The following GALNT5 variants were observed in gnomAD, a reference collection of about 807,000 sequenced individuals.
GALNT5 encodes the protein UDP-GalNAc:polypeptide N-acetylgalactosaminyltransferase 5.
Under a neutral mutation model 85.4 loss-of-function variants are expected in GALNT5, and 72 were observed. The ratio of observed to expected loss-of-function variants is 0.84; its 90% CI spans 0.70 to 1.03. The LOEUF (loss-of-function observed/expected upper bound fraction) is 1.03. Among genes scored for constraint, GALNT5 ranks in the 50% least tolerant of loss-of-function variants. The probability of loss-of-function intolerance (pLI) is 0.00; values close to 1 mark genes in which losing one functional copy is unlikely to be tolerated. For missense variants in GALNT5, 1,137 were observed against 1,135.5 expected, an observed-to-expected ratio of 1.00 and a Z score of -0.02; for synonymous variants, 404 against 397.0, an observed-to-expected ratio of 1.02 and a Z score of -0.21.
chr2:157,271,254 A>C (rs902063145), intron 1 of GALNT5, among the ~76,000 whole-genome samples: 33 of 152,320 alleles, frequency 2.2e-4, no homozygotes, highest in African/African-American at 7.7e-4. Context: ...CAAAAGCTGG[A>C]GTGTTCTTCA....
intron 1 of GALNT5, among the ~76,000 whole-genome samples, chr2:157,272,104 T>C (rs1008572946): frequency 1.5e-4 from 23 of 152,196 alleles, no homozygotes; most frequent in Admixed American, 1.5e-3. Context: ...CAACTGCCAT[T>C]GTAAGGTGGG....
intron 1 of GALNT5, among the ~76,000 whole-genome samples, chr2:157,282,083 T>C (rs1360595467): frequency 6.6e-6 from 1 of 152,234 alleles, no homozygotes; most frequent in African/African-American, 2.4e-5. Flanking sequence ...ATCCTTAGTG[T>C]AGACTAATAT....
chr2:157,288,734 A>T (rs1321332594), intron 3 of GALNT5, among the ~76,000 whole-genome samples: 1 of 152,224 alleles, frequency 6.6e-6, no homozygotes, highest in Non-Finnish European at 1.5e-5. Context: ...ACATTTTGAA[A>T]GCTCATTCTG....
chr2:157,284,388 A>T lies in GALNT5; in HGVS notation c.1561A>T (p.Asn521Tyr). ...CCTGAGATCTGTTCACAGTGTCATC[A>T]ATCGCTCTCCTCCACACCTCATCAA... ...TLLRSVHSVI[N>Y]RSPPHLIKEI... Residue 521 changes from asparagine to tyrosine, a missense_variant, in exon 2 of 10, where the codon AAT (asparagine) becomes TAT (tyrosine). Transcript: ENST00000259056. 6.2e-7 allele frequency: 1 copy of T among 1,613,964 alleles called. No individual in the cohort carries two copies. Among genetic ancestry groups the T allele is most frequent in the Non-Finnish European group, 8.5e-7 (1 of 1,179,854 alleles).
intron 3 of GALNT5, among the ~76,000 whole-genome samples, chr2:157,295,207 G>A (rs964130663): frequency 6.6e-6 from 1 of 152,004 alleles, no homozygotes; most frequent in African/African-American, 2.4e-5. Context: ...AGCCTTGCTG[G>A]TTTGTCCACT....
intron 1 of GALNT5, among the ~76,000 whole-genome samples, chr2:157,272,803 T>C (rs138735233): frequency 5.3e-5 from 8 of 152,346 alleles, no homozygotes; most frequent in Non-Finnish European, 7.4e-5. Flanking sequence ...GTTGATTACA[T>C]GTCTTTGCTA....
intron 1 of GALNT5, among the ~76,000 whole-genome samples, chr2:157,282,651 C>A (rs537600247): frequency 2.4e-4 from 36 of 151,960 alleles, no homozygotes; most frequent in African/African-American, 7.7e-4. Context: ...AATTGAGGTT[C>A]AAAGAAGTAG....
In GALNT5 at chr2:157,259,014, A is replaced by G; in HGVS notation, c.932A>G (p.His311Arg). ...AAGGATGATGGAGCTAGAGGGGCTC[A>G]TGGGAAGAAACTCAATTTCTCTGAA... Reference protein sequence around the residue: ...LSKDDGARGAHGKKLNFSESH... With the variant: ...LSKDDGARGARGKKLNFSESH... Residue 311 changes from histidine to arginine, a missense_variant, in exon 1 of 10, where the codon CAT becomes CGT. Coordinates refer to ENST00000259056, the MANE Select transcript of GALNT5 (RefSeq NM_014568.3). The G allele has an allele frequency of 6.8e-6, 10 of 1,479,140 alleles. No homozygotes were observed. Among genetic ancestry groups the G allele is most frequent in the Non-Finnish European group, 9.0e-6 (10 of 1,113,308 alleles). The allele number at this position is 1,479,140 out of a possible 1,614,324, so 91.6% of individuals were successfully genotyped here. A position where few individuals can be genotyped will look rare whatever the true frequency, so the allele number is the denominator to read the frequency against.
Position 157,258,390 on chromosome 2 carries a change from T to C in GALNT5, c.308T>C (p.Val103Ala), listed in dbSNP as rs761657627. The part of the protein sequence containing the change: ...KTEESVLKVE[V>A]DLDQTQRERK... ...GAGGAGAGTGTGCTCAAGGTTGAGG[T>C]GGACTTGGACCAAACCCAGAGGGAA... Residue 103 changes from valine to alanine, a missense_variant, in exon 1 of 10, where the codon GTG becomes GCG. By Grantham distance (64) the Val-to-Ala change is moderately conservative. Transcript: ENST00000259056. 7 of 1,610,552 alleles carry C rather than the reference T, an allele frequency of 4.3e-6. No homozygotes were observed. Among genetic ancestry groups the C allele is most frequent in the Middle Eastern group, 1.6e-4 (1 of 6,072 alleles).
Position 157,258,955 on chromosome 2 carries a change from A to G in GALNT5, c.873A>G (p.Gln291=). ...TCAATTCAAATCGCTTAAGGAAGCAATCTATTAATGAGACACCTTTGGGAA... is the reference window on the plus strand; with the variant it reads ...TCAATTCAAATCGCTTAAGGAAGCAGTCTATTAATGAGACACCTTTGGGAA... ...FTVNSNRLRK[Q]SINETPLGSL... is the part of the protein sequence containing the mutation. Residue 291 remains glutamine (Q), a synonymous_variant, in exon 1 of 10, where the codon CAA becomes CAG. Coordinates refer to ENST00000259056, the MANE Select transcript of GALNT5 (RefSeq NM_014568.3). 1 of 1,527,060 alleles carries G rather than the reference A, an allele frequency of 6.5e-7. No homozygotes were observed. The highest frequency in any genetic ancestry group is 8.8e-7 in the Non-Finnish European group (1 of 1,140,344). 94.6% of individuals were successfully genotyped at this position (1,527,060 alleles called of 1,614,324 possible).
At chr2:157,282,554 T>C (rs554956227) in intron 1 of GALNT5, among the ~76,000 whole-genome samples, 2 of 152,304 alleles carry the variant, frequency 1.3e-5, no homozygotes, top group Admixed American at 6.5e-5. Context: ...GTACCCCCTA[T>C]GTGTCAGATA....
chr2:157,261,073 T>C (rs1291561227), intron 1 of GALNT5, among the ~76,000 whole-genome samples: 15 of 152,194 alleles, frequency 9.9e-5, no homozygotes. Context: ...AAAATTGTGT[T>C]GGCCCAGCTC....
intron 5 of GALNT5, among the ~76,000 whole-genome samples, chr2:157,297,154 T>TC (rs1468848207): frequency 1.3e-5 from 2 of 152,096 alleles, no homozygotes; most frequent in African/African-American, 2.4e-5. Flanking sequence ...GCTTAAACTT[T>TC]CCCTGTTGTA....
At chr2:157,301,856 G>C (rs1485054821) in intron 7 of GALNT5, among the ~76,000 whole-genome samples, 2 of 152,190 alleles carry the variant, frequency 1.3e-5, no homozygotes. Context: ...GGGCATGAAG[G>C]ATGGTATCCA....
chr2:157,289,476 T>A (rs140114348), intron 3 of GALNT5, among the ~76,000 whole-genome samples: 1 of 152,202 alleles, frequency 6.6e-6, no homozygotes, highest in Admixed American at 6.5e-5. Flanking sequence ...ACATGTGGAA[T>A]AGATTCTAAT....
At position 157,300,847 on chromosome 2, in the gene GALNT5, C is replaced by T. The variant is rs200634661; in HGVS notation, c.2287C>T (p.His763Tyr). ...TGAGTATAAGGAGCTGTTCTATGGC[C>T]ACGGAGACCACCTCATCGACCAAGG... ...LDEYKELFYGHGDHLIDQGLD... is the reference protein window; with the variant it reads ...LDEYKELFYGYGDHLIDQGLD... Residue 763 changes from histidine to tyrosine, a missense_variant, in exon 7 of 10, where the codon CAC (histidine) becomes TAC (tyrosine). Transcript: ENST00000259056. The T allele has an allele frequency of 6.2e-7, 1 of 1,614,018 alleles. No individual in the cohort carries two copies. Among genetic ancestry groups the T allele is most frequent in the African/African-American group, 1.3e-5 (1 of 75,028 alleles).
chr2:157,301,157 C>T (rs756292875), intron 7 of GALNT5, among the ~76,000 whole-genome samples, 158 bp downstream of exon 7: 21 of 152,130 alleles, frequency 1.4e-4, no homozygotes, highest in Non-Finnish European at 2.6e-4. Flanking sequence ...TATAGGTAAA[C>T]TTGAGGAAGG....
At chr2:157,262,650 A>G (rs1682370383) in intron 1 of GALNT5, among the ~76,000 whole-genome samples, 1 of 136,944 alleles carries the variant, frequency 7.3e-6, no homozygotes. Flanking sequence ...CAACAACAAC[A>G]ACAACAACAA....
At chr2:157,303,853 C>T (rs927216155) in intron 7 of GALNT5, among the ~76,000 whole-genome samples, 4 of 152,166 alleles carry the variant, frequency 2.6e-5, no homozygotes, top group Non-Finnish European at 5.9e-5. Flanking sequence ...AGGGGGTTCC[C>T]AAACACTGTC....
Sources: gnomAD v4.1 joint callset for allele counts (sites outside exome capture counted in the v4.1 genomes callset) on GRCh38, gnomAD v4.1.1 for gene constraint, MANE v1.5 for transcripts, NCBI Gene and HGNC (gene_info 2026-07-23, HGNC 2026-07-21) for gene names.